KLF8: variants seen among roughly 807,000 people sequenced by gnomAD.
KLF8 encodes Krueppel-like factor 8.
In KLF8, 10 loss-of-function variants were observed where a neutral mutation model predicts 18.2. That is an observed-to-expected ratio of 0.55 (90% CI 0.34 to 0.93). The LOEUF is 0.93. Ranked by LOEUF, KLF8 falls within the 40% of genes least tolerant of loss-of-function variation. The pLI is 0.02. For synonymous variants in KLF8, 109 were observed against 97.3 expected, an observed-to-expected ratio of 1.12 and a Z score of -0.71; for missense variants, 264 against 277.9, an observed-to-expected ratio of 0.95 and a Z score of 0.36.
chrX:56,002,404 T>C, the KLF8 span, among the ~76,000 whole-genome samples: 2 of 83,557 alleles, frequency 2.4e-5, no homozygotes, highest in African/African-American at 9.6e-5. Context: ...TTGTAATTAA[T>C]CAATTTGTGT....
chrX:55,926,692 G>A, the KLF8 span, among the ~76,000 whole-genome samples: 1 of 110,710 alleles, frequency 9.0e-6, no homozygotes, highest in Non-Finnish European at 1.9e-5. Flanking sequence ...ATGTAGTCAG[G>A]AAGTCTACTA....
chrX:56,080,496 T>C, the KLF8 span, among the ~76,000 whole-genome samples: 36 of 111,904 alleles, frequency 3.2e-4, no homozygotes, highest in Non-Finnish European at 6.4e-4. Context: ...TTCTGGCTTC[T>C]AGGGTTTCTG....
the KLF8 span, among the ~76,000 whole-genome samples, chrX:56,218,795 G>A: frequency 1.8e-5 from 2 of 111,979 alleles, no homozygotes; most frequent in Non-Finnish European, 3.8e-5. Context: ...GGCTTTTTGA[G>A]GATTAGATTA....
chrX:55,915,527 C>T, the KLF8 span, among the ~76,000 whole-genome samples: 6 of 111,549 alleles, frequency 5.4e-5, no homozygotes, highest in Admixed American at 1.9e-4. Context: ...TTTTGCTGAC[C>T]GAGGTCACAA....
chrX:55,964,575 TCA>T, the KLF8 span, among the ~76,000 whole-genome samples: 2 of 111,046 alleles, frequency 1.8e-5, no homozygotes, highest in African/African-American at 6.6e-5. Context: ...AGACCCTATC[TCA>T]CACACACACA....
chrX:56,209,212 TC>T, the KLF8 span, among the ~76,000 whole-genome samples: 71 of 112,351 alleles, frequency 6.3e-4, no homozygotes, highest in African/African-American at 2.1e-3. Context: ...ATACTTACAT[TC>T]TTTATCTCTT....
chrX:55,966,133 T>C, the KLF8 span, among the ~76,000 whole-genome samples: 1 of 112,397 alleles, frequency 8.9e-6, no homozygotes, highest in Non-Finnish European at 1.9e-5. Flanking sequence ...ACAGTACCAG[T>C]TAGATCTCTA....
the KLF8 span, among the ~76,000 whole-genome samples, chrX:55,996,144 T>C: frequency 8.9e-6 from 1 of 111,958 alleles, no homozygotes; most frequent in Admixed American, 9.5e-5. Flanking sequence ...TTTCTCAGCT[T>C]GGTCTATTCT....
chrX:56,070,006 G>T, the KLF8 span, among the ~76,000 whole-genome samples: 2 of 112,598 alleles, frequency 1.8e-5, no homozygotes. Context: ...CAACCCAAAT[G>T]CCCATCAAAG....
the KLF8 span, among the ~76,000 whole-genome samples, chrX:56,155,394 G>T: frequency 2.7e-5 from 3 of 110,890 alleles, no homozygotes; most frequent in East Asian, 8.5e-4. Context: ...TCATAGGTGG[G>T]AATTCAACAA....
chrX:55,925,171 ATTT>A, the KLF8 span, among the ~76,000 whole-genome samples: 280 of 70,008 alleles, frequency 4.0e-3, no homozygotes, highest in Admixed American at 5.1e-3. Context: ...TGGTGGTTTC[ATTT>A]TTTTTTTTTT....
the KLF8 span, among the ~76,000 whole-genome samples, chrX:55,948,558 T>A: frequency 8.9e-6 from 1 of 112,115 alleles, no homozygotes; most frequent in East Asian, 2.8e-4. Context: ...CAACTGAGGA[T>A]CTTTTCAACT....
At chrX:55,930,147 G>A in the KLF8 span, among the ~76,000 whole-genome samples, 1 of 111,583 alleles carries the variant, frequency 9.0e-6, no homozygotes, top group African/African-American at 3.3e-5. Context: ...TGTAGCAATT[G>A]TGAATAGGAG....
the KLF8 span, among the ~76,000 whole-genome samples, chrX:55,998,872 T>G: frequency 1.8e-5 from 2 of 110,756 alleles, no homozygotes; most frequent in Non-Finnish European, 1.9e-5. Context: ...TTTTTTGTTT[T>G]TGTTGCAATT....
the KLF8 span, among the ~76,000 whole-genome samples, chrX:55,999,024 G>A: frequency 9.1e-6 from 1 of 109,507 alleles, no homozygotes; most frequent in Non-Finnish European, 1.9e-5. Context: ...TGTATATGGT[G>A]AGAGAGAGTG....
At chrX:56,129,260 G>C in the KLF8 span, among the ~76,000 whole-genome samples, 1 of 112,151 alleles carries the variant, frequency 8.9e-6, no homozygotes, top group Non-Finnish European at 1.9e-5. Flanking sequence ...TGCAGGAATA[G>C]ACCAGAAAAG....
the KLF8 span, among the ~76,000 whole-genome samples, chrX:56,091,987 T>G: frequency 9.1e-6 from 1 of 109,369 alleles, no homozygotes; most frequent in Non-Finnish European, 1.9e-5. Context: ...TTGTTTTTTT[T>G]TTTTTTTTTG....
the KLF8 span, among the ~76,000 whole-genome samples, chrX:56,054,380 A>T: frequency 2.7e-5 from 3 of 111,410 alleles, no homozygotes; most frequent in African/African-American, 6.5e-5. Flanking sequence ...TTCCATTTTC[A>T]TATAATTGTA....
intron 5 of KLF8, among the ~76,000 whole-genome samples, chrX:56,280,189 A>G (rs2067181718): frequency 1.8e-5 from 2 of 112,143 alleles, no homozygotes; most frequent in Admixed American, 9.4e-5. Context: ...TTACAATGGC[A>G]TCACCCATTT....
Sources: allele counts gnomAD v4.1 joint callset (sites outside exome capture counted in the v4.1 genomes callset), GRCh38; gene constraint gnomAD v4.1.1; transcripts MANE v1.5; gene names NCBI Gene and HGNC (gene_info 2026-07-23, HGNC 2026-07-21).